The following SPINK5 variants were observed in gnomAD, a reference collection of about 807,000 sequenced individuals.
SPINK5 encodes serine protease inhibitor Kazal-type 5.
SPINK5 carries 125 observed loss-of-function variants against 151.8 expected under a neutral mutation model. The ratio of observed to expected loss-of-function variants is 0.82; its 90% CI spans 0.71 to 0.96. The LOEUF is 0.96. SPINK5 is among the 40% of genes least tolerant of loss of function. The pLI is 0.00. For synonymous variants in SPINK5, 374 were observed against 395.3 expected (o/e 0.95, Z 0.64); for missense variants, 1,194 against 1,291.9 (o/e 0.92, Z 1.16).
chr5:148,116,412 T>C lies in SPINK5; in HGVS notation c.2058T>C (p.Asp686=). The change falls in exon 22 of 33, where the codon GAT becomes GAC. Residue 686 remains aspartate (D), a synonymous_variant. Transcript: ENST00000256084. Reference sequence around the variant, plus strand: ...AAAGAAAGAGGAAAGAAGAGGAAGATCAGAGAAATGCTGCAGGACATGGTT... The same window carrying C: ...AAAGAAAGAGGAAAGAAGAGGAAGACCAGAGAAATGCTGCAGGACATGGTT... ...NEERKRKEEE[D]QRNAAGHGSS... 1.2e-6 allele frequency: 2 copies of C among 1,614,138 alleles called. No homozygotes were observed. The highest frequency in any genetic ancestry group is 1.7e-6 in the Non-Finnish European group (2 of 1,179,998).
At chr5:148,071,675 T>TG (rs35121914) in intron 3 of SPINK5, among the ~76,000 whole-genome samples, 108,670 of 149,676 alleles carry the variant, frequency 0.73, 39,954 homozygotes, top group African/African-American at 0.88. Flanking sequence ...AGAATAAAAT[T>TG]TTTTTTTTTA....
intron 11 of SPINK5, among the ~76,000 whole-genome samples, chr5:148,098,998 A>C (rs1281543713): frequency 6.6e-6 from 1 of 152,102 alleles, no homozygotes; most frequent in Non-Finnish European, 1.5e-5. Flanking sequence ...TACAGAAAGC[A>C]AGTATCCCAG....
chr5:148,089,113 T>G (rs922934157), intron 6 of SPINK5: 1 of 463,338 alleles, frequency 2.2e-6, no homozygotes, highest in African/African-American at 2.0e-5. Context: ...TTTCCTAATT[T>G]TCAAGGTCTG....
At chr5:148,122,023 T>C (rs947852697) in intron 26 of SPINK5, among the ~76,000 whole-genome samples, 12 of 146,952 alleles carry the variant, frequency 8.2e-5, no homozygotes, top group African/African-American at 3.1e-4. Flanking sequence ...TGTGTGTGTG[T>C]GTCAAATAGA....
intron 30 of SPINK5, among the ~76,000 whole-genome samples, chr5:148,128,660 C>T (rs1029695960): frequency 6.6e-6 from 1 of 152,182 alleles, no homozygotes; most frequent in African/African-American, 2.4e-5. Flanking sequence ...TCCCGAGTAG[C>T]TGGGACTACA....
chr5:148,080,694 T>A (rs936358622), intron 4 of SPINK5, among the ~76,000 whole-genome samples: 1 of 151,428 alleles, frequency 6.6e-6, no homozygotes, highest in African/African-American at 2.4e-5. Context: ...AAACTTCTCA[T>A]GTAAAATATA....
rs1753520384 is a variant in SPINK5, at chr5:148,098,074, G to A, written c.1010+80G>A. Reference sequence around the variant, plus strand: ...ATAGAAACAGCTTCTTTCATAGATGGGGAGACTGTGGCTCAAGACAGGGAA... The same window carrying A: ...ATAGAAACAGCTTCTTTCATAGATGAGGAGACTGTGGCTCAAGACAGGGAA... On this transcript the variant is annotated intron_variant, in intron 11 of 32. Coordinates refer to ENST00000256084, the MANE Select transcript of SPINK5 (RefSeq NM_006846.4). 4 of 1,350,692 alleles carry A rather than the reference G, an allele frequency of 3.0e-6. 1 individual carries two copies. In the South Asian group the frequency reaches 4.8e-5, roughly 16 times the overall value. 83.7% of individuals were successfully genotyped at this position (1,350,692 alleles called of 1,614,324 possible).
intron 15 of SPINK5, 128 bp from the exon 16 acceptor site, chr5:148,104,824 A>T: frequency 1.4e-6 from 1 of 715,054 alleles, no homozygotes. Context: ...TGAACCCGGG[A>T]GGTGGAGGTT....
At position 148,111,738 on chromosome 5, in the gene SPINK5, C is replaced by A. The variant is rs763630502; in HGVS notation, c.1693-30C>A. On this transcript the variant is annotated intron_variant, in intron 18 of 32. Transcript: ENST00000256084. ...ATTTCTAGTGTTTAGTTATTGGACTCTTAAAACCTGCTTCTGCTTCATTTG... is the reference window on the plus strand; with the variant it reads ...ATTTCTAGTGTTTAGTTATTGGACTATTAAAACCTGCTTCTGCTTCATTTG... The A allele has an allele frequency of 2.5e-6, 4 of 1,613,640 alleles. No homozygotes were observed. The African/African-American group carries it at 5.3e-5, about 22-fold the overall frequency.
chr5:148,071,243 A>G (rs1423000), intron 3 of SPINK5, among the ~76,000 whole-genome samples: 113,571 of 152,040 alleles, frequency 0.75, 43,710 homozygotes, highest in African/African-American at 0.92. Context: ...GGATAATTAT[A>G]TTACAATTGG....
intron 26 of SPINK5, 140 bp downstream of exon 26, chr5:148,120,531 C>T: frequency 9.1e-7 from 1 of 1,102,484 alleles, no homozygotes; most frequent in South Asian, 1.4e-5. Context: ...ATGGCCAGAT[C>T]TTGAAAATAA....
Position 148,101,913 on chromosome 5 carries a change from G to C in SPINK5, c.1430+5G>C. ...CTCCATGTGTGAGGCCTTCTTGTGA[G>C]TAGAGCAGTAGCCCCATAGCGTCTG... On this transcript the variant is annotated splice_donor_5th_base_variant and intron_variant, in intron 15 of 32. Transcript: ENST00000256084. The C allele has an allele frequency of 6.2e-7, 1 of 1,613,484 alleles. No homozygotes were observed. Among genetic ancestry groups the C allele is most frequent in the Non-Finnish European group, 8.5e-7 (1 of 1,179,546 alleles).
chr5:148,094,264 C>T (rs1753393590), intron 8 of SPINK5, 90 bp from the exon 9 acceptor site: 9 of 1,429,170 alleles, frequency 6.3e-6, no homozygotes, highest in Non-Finnish European at 8.8e-6. Context: ...CCCTGCAATC[C>T]ACCCTGCGCA....
chr5:148,090,117 A>G (rs1165274600), intron 7 of SPINK5, among the ~76,000 whole-genome samples: 2 of 151,876 alleles, frequency 1.3e-5, no homozygotes, highest in Non-Finnish European at 2.9e-5. Flanking sequence ...CTATTGGGTT[A>G]ATCTTTATCT....
intron 26 of SPINK5, among the ~76,000 whole-genome samples, chr5:148,121,002 G>A (rs1245686349): frequency 3.3e-5 from 5 of 151,712 alleles, no homozygotes; most frequent in Non-Finnish European, 5.9e-5. Context: ...AAAATTAGCC[G>A]GGCACGATGG....
intron 25 of SPINK5, 50 bp downstream of exon 25, chr5:148,120,186 A>G (rs754007856): frequency 6.2e-7 from 1 of 1,613,760 alleles, no homozygotes; most frequent in Admixed American, 1.7e-5. Flanking sequence ...AAAGTACAAT[A>G]ATCATTTCTT....
chr5:148,108,581 G>C lies in SPINK5; in HGVS notation c.1608-172G>C, dbSNP rs116698893. 6.1e-3 allele frequency among the ~76,000 whole-genome samples: 925 copies of C among 152,264 alleles called. 3 individuals carry two copies. The highest frequency in any genetic ancestry group is 9.7e-3 in the Non-Finnish European group (663 of 68,006). The stretch of plus-strand genomic sequence containing the variant: ...CTTCTTTAGAGGGGGAATGTAAACA[G>C]CTAAGTTTATCTGTACTATTGGTTA... On this transcript the variant is annotated intron_variant, in intron 17 of 32. Coordinates refer to ENST00000256084, the MANE Select transcript of SPINK5 (RefSeq NM_006846.4).
intron 30 of SPINK5, among the ~76,000 whole-genome samples, chr5:148,127,729 G>T (rs1389387733): frequency 6.6e-6 from 1 of 152,020 alleles, no homozygotes; most frequent in South Asian, 2.1e-4. Context: ...ATGGTGCCTT[G>T]TGCCTGTAGT....
chr5:148,077,123 A>T (rs1380270397), intron 4 of SPINK5, among the ~76,000 whole-genome samples: 1 of 151,346 alleles, frequency 6.6e-6, no homozygotes, highest in East Asian at 2.0e-4. Context: ...TAAGAAACTC[A>T]ATACACCCCA....
Sources: allele counts gnomAD v4.1 joint callset (sites outside exome capture counted in the v4.1 genomes callset), GRCh38; gene constraint gnomAD v4.1.1; transcripts MANE v1.5; gene names NCBI Gene and HGNC (gene_info 2026-07-23, HGNC 2026-07-21).